The following WDR77 variants were observed in gnomAD, a reference collection of about 807,000 sequenced individuals.
The protein encoded by WDR77 is methylosome protein WDR77.
In WDR77, 31 loss-of-function variants were observed where a neutral mutation model predicts 44.0. The observed-to-expected ratio is 0.70, with a 90% CI of 0.53 to 0.95. WDR77 has a LOEUF of 0.95. Ranked by LOEUF, WDR77 falls within the 40% of genes least tolerant of loss-of-function variation. The pLI is 0.00. For missense variants in WDR77, 390 were observed against 423.9 expected (o/e 0.92, Z 0.70); for synonymous variants, 186 against 165.7 (o/e 1.12, Z -0.94).
chr1:111,441,255 G>A lies in WDR77; in HGVS notation c.1004C>T (p.Pro335Leu). The change falls in exon 10 of 10, where the codon CCT becomes CTT. Residue 335 changes from proline to leucine, a missense_variant. Pro to Leu is a moderately conservative substitution (Grantham distance 98). Coordinates refer to ENST00000235090, the MANE Select transcript of WDR77 (RefSeq NM_024102.4). ...CTACTCAGTAACACTTGCAGGTCCA[G>A]GGGCTGGGAGAGGTTCTGTGGGCAC... ...HVVPTEPLPA[P>L]GPASVTE is the part of the protein sequence containing the mutation. The A allele has an allele frequency of 6.4e-7, 1 of 1,565,256 alleles. No homozygotes were observed. Among genetic ancestry groups the A allele is most frequent in the Non-Finnish European group, 8.7e-7 (1 of 1,155,814 alleles).
At chr1:111,443,588 A>G (rs796936128) in intron 6 of WDR77, 194 bp from the exon 7 acceptor site, 1 of 942,150 alleles carries the variant, frequency 1.1e-6, no homozygotes, top group African/African-American at 1.8e-5. Context: ...CACGAGTCAC[A>G]GGCAAGTTTC....
chr1:111,448,893 GA>G, intron 1 of WDR77, 89 bp from the exon 2 acceptor site: 1 of 1,538,954 alleles, frequency 6.5e-7, no homozygotes, highest in Non-Finnish European at 8.7e-7. Flanking sequence ...GCCGGGTCTG[GA>G]TCTGAGCTCA....
chr1:111,448,987 G>A (rs1475114263), intron 1 of WDR77, 68 bp downstream of exon 1: 1 of 1,540,948 alleles, frequency 6.5e-7, no homozygotes, highest in Non-Finnish European at 8.7e-7. Context: ...GGCTGGGAGG[G>A]TCAGTCTCCG....
chr1:111,443,490 T>G, intron 6 of WDR77, 96 bp from the exon 7 acceptor site: 1 of 1,366,068 alleles, frequency 7.3e-7, no homozygotes. Context: ...GCACCTTTAT[T>G]TGATTTCCCA....
At chr1:111,448,486 G>T in intron 2 of WDR77, 133 bp downstream of exon 2, 2 of 1,016,202 alleles carry the variant, frequency 2.0e-6, no homozygotes, top group South Asian at 3.0e-5. Flanking sequence ...TTTGCATTCG[G>T]GGCCAACACT....
Position 111,449,048 on chromosome 1 carries a change from G to C in WDR77, c.115+7C>G. The C allele has an allele frequency of 1.3e-6, 2 of 1,578,718 alleles. No individual in the cohort carries two copies. Among genetic ancestry groups the C allele is most frequent in the Non-Finnish European group, 1.7e-6 (2 of 1,163,732 alleles). ...AGGGAGCTCCCAGGCCCGGGATCTC[G>C]GCTCACCGGACCGGTACCGCGCAGC... On this transcript the variant is annotated splice_region_variant and intron_variant, in intron 1 of 9. Coordinates refer to ENST00000235090, the MANE Select transcript of WDR77 (RefSeq NM_024102.4).
At chr1:111,446,919 G>C (rs1557795000) in intron 4 of WDR77, 176 bp downstream of exon 4, 2 of 651,850 alleles carry the variant, frequency 3.1e-6, no homozygotes, top group East Asian at 5.5e-5. Context: ...TAAAAAAAAA[G>C]AAAGAAAGAA....
intron 4 of WDR77, among the ~76,000 whole-genome samples, chr1:111,444,953 T>C (rs983397398): frequency 6.6e-6 from 1 of 152,250 alleles, no homozygotes; most frequent in Non-Finnish European, 1.5e-5. Flanking sequence ...GGCTTTACAA[T>C]GCAGACTGGC....
chr1:111,444,124 G>A lies in WDR77; in HGVS notation c.494C>T (p.Ala165Val). 6.2e-7 allele frequency: 1 copy of A among 1,613,662 alleles called. No individual in the cohort carries two copies. The highest frequency in any genetic ancestry group is 8.5e-7 in the Non-Finnish European group (1 of 1,179,950). The change falls in exon 5 of 10, where the codon GCT (alanine) becomes GTT (valine). Residue 165 changes from alanine (A) to valine (V), a missense_variant and splice_region_variant. Coordinates refer to ENST00000235090, the MANE Select transcript of WDR77 (RefSeq NM_024102.4). The part of the protein sequence containing the change: ...AQQVVLSSYR[A>V]HAAQVTCVAA... Reference sequence around the variant, plus strand: ...AACACAAGTGACCTGAGCAGCATGAGCTATAAAGGAGAGAGAAAGAGAAAT... The same window carrying A: ...AACACAAGTGACCTGAGCAGCATGAACTATAAAGGAGAGAGAAAGAGAAAT...
chr1:111,444,525 C>A (rs1275053322), intron 4 of WDR77, among the ~76,000 whole-genome samples: 1 of 152,016 alleles, frequency 6.6e-6, no homozygotes, highest in Non-Finnish European at 1.5e-5. Context: ...ATTAAGAGAG[C>A]CAATTTCTCT....
chr1:111,448,546 C>T, intron 2 of WDR77, 73 bp downstream of exon 2: 1 of 1,588,226 alleles, frequency 6.3e-7, no homozygotes, highest in Non-Finnish European at 8.6e-7. Context: ...TTGAGCTCAA[C>T]CCTACGGTAC....
chr1:111,442,003 A>G, intron 9 of WDR77, 22 bp downstream of exon 9: 1 of 1,611,496 alleles, frequency 6.2e-7, no homozygotes, highest in Non-Finnish European at 8.5e-7. Context: ...CTGATTCCCA[A>G]AGGATTCCAC....
At chr1:111,441,468 C>A in intron 9 of WDR77, 79 bp from the exon 10 acceptor site, 1 of 1,401,672 alleles carries the variant, frequency 7.1e-7, no homozygotes. Context: ...CCCAACACAT[C>A]TGGGGCACAT....
chr1:111,441,929 C>T (rs1029537585), intron 9 of WDR77, 96 bp downstream of exon 9: 1 of 1,215,382 alleles, frequency 8.2e-7, no homozygotes. Flanking sequence ...AGAATCTGTT[C>T]TCCAAAAGCA....
intron 2 of WDR77, 34 bp downstream of exon 2, chr1:111,448,585 G>A (rs1453560797): frequency 1.2e-6 from 2 of 1,610,018 alleles, no homozygotes; most frequent in Non-Finnish European, 1.7e-6. Context: ...CGTTCCACCC[G>A]GGGGTGGGGG....
chr1:111,449,123 T>A lies in WDR77; in HGVS notation c.47A>T (p.Glu16Val). The A allele has an allele frequency of 6.7e-7, 1 of 1,501,104 alleles. No homozygotes were observed. Among genetic ancestry groups the A allele is most frequent in the Non-Finnish European group, 8.9e-7 (1 of 1,117,736 alleles). The allele number at this position is 1,501,104 out of a possible 1,614,324, so 93.0% of individuals were successfully genotyped here. A position where few individuals can be genotyped will look rare whatever the true frequency, so the allele number is the denominator to read the frequency against. Residue 16 changes from glutamate to valine, a missense_variant, in exon 1 of 10, where the codon GAG becomes GTG. Physicochemically the swap from Glu to Val is moderately radical, Grantham distance 121 (BLOSUM62 -2). Transcript: ENST00000235090. ...PPPLVPPAAREWNLPPNAPAC... is the reference protein window; with the variant it reads ...PPPLVPPAARVWNLPPNAPAC... ...GGGCGCATTTGGGGGAAGATTCCAC[T>A]CCCGGGCCGCCGGGGGCACTAGGGG...
In WDR77 at chr1:111,447,150, A is replaced by G. The variant is rs1210928731; in HGVS notation, c.444-6T>C. The G allele has an allele frequency of 6.2e-7, 1 of 1,614,188 alleles. No homozygotes were observed. On this transcript the variant is annotated splice_region_variant and splice_polypyrimidine_tract_variant and intron_variant, in intron 3 of 9. Transcript: ENST00000235090. Reference sequence around the variant, plus strand: ...CAAGGTCCCAAACCTTGATGCTAAGAAGCAAAAGCAAACAGACATTTAATC... The same window carrying G: ...CAAGGTCCCAAACCTTGATGCTAAGGAGCAAAAGCAAACAGACATTTAATC...
chr1:111,447,615 A>C, intron 2 of WDR77, 39 bp from the exon 3 acceptor site: 1 of 1,609,702 alleles, frequency 6.2e-7, no homozygotes, highest in Non-Finnish European at 8.5e-7. Flanking sequence ...AGCTTGGATT[A>C]TACCAAGGCA....
At chr1:111,447,789 G>A (rs553565547) in intron 2 of WDR77, among the ~76,000 whole-genome samples, 4 of 152,310 alleles carry the variant, frequency 2.6e-5, no homozygotes, top group African/African-American at 9.6e-5. Flanking sequence ...CAGACAAGTA[G>A]GTGCAGAAAG....
Sources: allele counts gnomAD v4.1 joint callset (sites outside exome capture counted in the v4.1 genomes callset), GRCh38; gene constraint gnomAD v4.1.1; transcripts MANE v1.5; gene names NCBI Gene and HGNC (gene_info 2026-07-23, HGNC 2026-07-21).